The following PCDHGA6 variants were observed in gnomAD, a reference collection of about 807,000 sequenced individuals.
PCDHGA6 encodes protocadherin gamma subfamily A, 6, also known as protocadherin gamma-A6.
Under a neutral mutation model 60.6 loss-of-function variants are expected in PCDHGA6, and 41 were observed. The observed-to-expected ratio is 0.68, with a 90% CI of 0.53 to 0.88. PCDHGA6 has a LOEUF of 0.88. Among genes scored for constraint, PCDHGA6 ranks in the 40% least tolerant of loss-of-function variants. The pLI is 0.00. For missense variants in PCDHGA6, 1,312 were observed against 1,203.0 expected (o/e 1.09, Z -1.34); for synonymous variants, 594 against 524.4 (o/e 1.13, Z -1.81).
intron 1 of PCDHGA6, among the ~76,000 whole-genome samples, chr5:141,473,313 T>C (rs1173941642): frequency 2.7e-4 from 41 of 152,246 alleles, no homozygotes; most frequent in Non-Finnish European, 5.9e-5. Context: ...GCTATATTAA[T>C]AAGCATTAAG....
chr5:141,394,654 C>T lies in PCDHGA6; in HGVS notation c.2424+18147C>T. ...TACCGCCTGCTCAAGGCCAGCGAGCCGGGACTCTTCTCGGTGGGTCTGCAC... is the reference window on the plus strand; with the variant it reads ...TACCGCCTGCTCAAGGCCAGCGAGCTGGGACTCTTCTCGGTGGGTCTGCAC... On this transcript the variant is annotated intron_variant, in intron 1 of 3. Coordinates refer to ENST00000517434, the MANE Select transcript of PCDHGA6 (RefSeq NM_018919.3). 1.9e-6 allele frequency: 3 copies of T among 1,613,236 alleles called. No homozygotes were observed. Among genetic ancestry groups the T allele is most frequent in the Non-Finnish European group, 2.5e-6 (3 of 1,179,928 alleles).
At chr5:141,399,315 T>C in intron 1 of PCDHGA6, 2 of 1,613,878 alleles carry the variant, frequency 1.2e-6, no homozygotes, top group Non-Finnish European at 8.5e-7. Flanking sequence ...CATCCAAAAA[T>C]TCGTATAAGT....
intron 1 of PCDHGA6, chr5:141,414,483 A>T (rs756254490): frequency 5.6e-6 from 9 of 1,613,826 alleles, no homozygotes; most frequent in Non-Finnish European, 6.8e-6. Flanking sequence ...GTCCTCCTCT[A>T]TCAACGGAAG....
chr5:141,380,196 G>A (rs1002706852), intron 1 of PCDHGA6, among the ~76,000 whole-genome samples: 3 of 152,110 alleles, frequency 2.0e-5, no homozygotes, highest in Non-Finnish European at 2.9e-5. Flanking sequence ...CACTGAGCCC[G>A]GCCTGAAAGG....
At chr5:141,504,483 AGGCACC>A (rs2099838618) in intron 2 of PCDHGA6, among the ~76,000 whole-genome samples, 1 of 151,954 alleles carries the variant, frequency 6.6e-6, no homozygotes, top group Non-Finnish European at 1.5e-5. Flanking sequence ...AGTACAGTGG[AGGCACC>A]TGCCCAGTCT....
chr5:141,378,980 G>T (rs1336652080), intron 1 of PCDHGA6: 1 of 152,182 alleles, frequency 6.6e-6, no homozygotes, highest in Non-Finnish European at 1.5e-5. Context: ...ATGACTTGTT[G>T]AACTACATTA....
At chr5:141,419,052 C>A (rs1017300472) in intron 1 of PCDHGA6, 6 of 1,613,948 alleles carry the variant, frequency 3.7e-6, no homozygotes, top group East Asian at 2.2e-5. Context: ...CATTCTTCTT[C>A]TAATAATTAC....
intron 1 of PCDHGA6, chr5:141,409,619 C>A: frequency 6.2e-7 from 1 of 1,613,898 alleles, no homozygotes; most frequent in Non-Finnish European, 8.5e-7. Flanking sequence ...CTCCATTGCG[C>A]AAGTGAGCGC....
chr5:141,425,843 G>A (rs2096898027), intron 1 of PCDHGA6, among the ~76,000 whole-genome samples: 1 of 152,118 alleles, frequency 6.6e-6, no homozygotes, highest in African/African-American at 2.4e-5. Flanking sequence ...TCTCTTTGCT[G>A]GGTTAATGAC....
chr5:141,422,744 T>C, intron 1 of PCDHGA6: 1 of 1,610,696 alleles, frequency 6.2e-7, no homozygotes, highest in Non-Finnish European at 8.5e-7. Flanking sequence ...TCCTCCTATG[T>C]CTCTATTAAC....
chr5:141,373,958 C>T lies in PCDHGA6; in HGVS notation c.-126C>T. 1 of 917,866 alleles carries T rather than the reference C, an allele frequency of 1.1e-6. No individual in the cohort carries two copies. The highest frequency in any genetic ancestry group is 1.5e-6 in the Non-Finnish European group (1 of 651,262). 56.9% of individuals were successfully genotyped at this position (917,866 alleles called of 1,614,324 possible). ...AGGAAAGCTGTGCAGAAATTCTGAC[C>T]TGAAACGCTTCGCATCCGGTCTCTG... On this transcript the variant is annotated 5_prime_UTR_variant, in exon 1 of 4. Coordinates refer to ENST00000517434, the MANE Select transcript of PCDHGA6 (RefSeq NM_018919.3).
At chr5:141,450,796 G>GTATT (rs1490825772) in intron 1 of PCDHGA6, among the ~76,000 whole-genome samples, 8 of 145,976 alleles carry the variant, frequency 5.5e-5, no homozygotes, top group African/African-American at 1.8e-4. Flanking sequence ...CCTCATGATT[G>GTATT]TATTTATTTA....
chr5:141,394,627 C>T (rs563086120), intron 1 of PCDHGA6: 2 of 1,613,412 alleles, frequency 1.2e-6, no homozygotes, highest in East Asian at 2.2e-5. Context: ...GCCTGGCTGT[C>T]CTACCGCCTG....
rs776657082 is a variant in PCDHGA6, at chr5:141,432,778, G to A, written c.2424+56271G>A. On this transcript the variant is annotated intron_variant, in intron 1 of 3. Coordinates refer to ENST00000517434, the MANE Select transcript of PCDHGA6 (RefSeq NM_018919.3). The surrounding 1 kb of genome is among the most constrained non-coding windows in gnomAD (Gnocchi z 6.0). ...CCGACAGCATCCCCCAAGTCCTGGC[G>A]GACCTCGGCAGCCTCGAGTCTCCAG... 6.2e-7 allele frequency: 1 copy of A among 1,614,166 alleles called. No homozygotes were observed. Among genetic ancestry groups the A allele is most frequent in the Non-Finnish European group, 8.5e-7 (1 of 1,180,002 alleles).
chr5:141,447,430 A>G (rs960560239), intron 1 of PCDHGA6, among the ~76,000 whole-genome samples: 9 of 152,156 alleles, frequency 5.9e-5, no homozygotes, highest in African/African-American at 2.2e-4. Flanking sequence ...GAGCCACCGC[A>G]CCCGGAGGAA....
intron 1 of PCDHGA6, chr5:141,384,604 A>G (rs762562769): frequency 3.1e-6 from 5 of 1,613,896 alleles, no homozygotes; most frequent in South Asian, 2.2e-5. Context: ...GGCCCTCCCC[A>G]CAGATGGTTC....
intron 1 of PCDHGA6, chr5:141,404,248 G>T (rs1404333144): frequency 6.2e-7 from 1 of 1,613,694 alleles, no homozygotes; most frequent in South Asian, 1.1e-5. Flanking sequence ...CTCCGCCCCT[G>T]TCCACAGAAA....
chr5:141,432,561 A>C lies in PCDHGA6; in HGVS notation c.2424+56054A>C, dbSNP rs746684751. On this transcript the variant is annotated intron_variant, in intron 1 of 3. Transcript: ENST00000517434. This position sits in a 1 kb window ranked among gnomAD's most constrained non-coding sequence, Gnocchi z 6.0. Reference sequence around the variant, plus strand: ...GCGGTGGACAGAGACTCCGGCCAGAACGCCTGGCTGTCCTACCGTCTGCTC... The same window carrying C: ...GCGGTGGACAGAGACTCCGGCCAGACCGCCTGGCTGTCCTACCGTCTGCTC... 37 of 1,613,308 alleles carry C rather than the reference A, an allele frequency of 2.3e-5. 1 individual carries two copies. The highest frequency in any genetic ancestry group is 2.7e-5 in the African/African-American group (2 of 74,712).
intron 3 of PCDHGA6, among the ~76,000 whole-genome samples, chr5:141,507,645 G>A (rs565235954): frequency 6.6e-6 from 1 of 152,382 alleles, no homozygotes; most frequent in South Asian, 2.1e-4. Flanking sequence ...CTGAGGCCAG[G>A]AAGCAGCTTT....
Sources: allele counts gnomAD v4.1 joint callset (sites outside exome capture counted in the v4.1 genomes callset), GRCh38; gene constraint gnomAD v4.1.1; non-coding constraint Gnocchi (gnomAD v3.1); transcripts MANE v1.5; gene names NCBI Gene and HGNC (gene_info 2026-07-23, HGNC 2026-07-21).